The following DNAH11 variants were observed in gnomAD, a reference collection of about 807,000 sequenced individuals.
DNAH11 encodes the protein dynein axonemal heavy chain 11, also known as axonemal beta dynein heavy chain 11.
DNAH11 carries 442 observed loss-of-function variants against 526.0 expected under a neutral mutation model. The ratio of observed to expected loss-of-function variants is 0.84; its 90% CI spans 0.78 to 0.91. The LOEUF (loss-of-function observed/expected upper bound fraction) is 0.91, where lower values mean the gene tolerates loss of function less well. Among genes scored for constraint, DNAH11 ranks in the 40% least tolerant of loss-of-function variants. DNAH11 has a pLI of 0.00. For synonymous variants in DNAH11, 2,461 were observed against 1,935.9 expected (o/e 1.27, Z -7.12); for missense variants, 6,989 against 5,448.7 (o/e 1.28, Z -8.90).
chr7:21,675,136 C>G (rs73061785), intron 30 of DNAH11, among the ~76,000 whole-genome samples: 20,368 of 152,194 alleles, frequency 0.13, 1,609 homozygotes, highest in African/African-American at 0.22. Context: ...AATTTAATAA[C>G]ACAAATCTCA....
intron 61 of DNAH11, among the ~76,000 whole-genome samples, chr7:21,793,458 A>G (rs758148676): frequency 1.1e-4 from 17 of 152,176 alleles, no homozygotes; most frequent in Non-Finnish European, 1.9e-4. Context: ...TGTACTAAAA[A>G]TACAAAAATT....
intron 27 of DNAH11, 77 bp from the exon 28 acceptor site, chr7:21,638,862 G>A (rs1786989771): frequency 2.0e-6 from 3 of 1,509,168 alleles, no homozygotes; most frequent in African/African-American, 2.8e-5. Flanking sequence ...GGACATAGAG[G>A]ACTTGAGTTT....
At chr7:21,821,507 A>G (rs1299121956) in intron 65 of DNAH11, among the ~76,000 whole-genome samples, 2 of 152,066 alleles carry the variant, frequency 1.3e-5, no homozygotes, top group Non-Finnish European at 2.9e-5. Flanking sequence ...CCTCTTGCAT[A>G]CCTTATCGCT....
In DNAH11 at chr7:21,725,878, C is replaced by T. The variant is rs180970138; in HGVS notation, c.7334C>T (p.Ser2445Leu). Residue 2445 changes from serine to leucine, a missense_variant, in exon 45 of 82, where the codon TCG becomes TTG. Ser to Leu is a moderately radical substitution (Grantham distance 145, BLOSUM62 -2). Coordinates refer to ENST00000409508, the MANE Select transcript of DNAH11 (RefSeq NM_001277115.2). The part of the protein sequence containing the change: ...QKEMKAVKFP[S>L]QGTIFDYYVD... ...GAGATGAAAGCAGTGAAATTTCCGT[C>T]GCAGGGAACAATCTTTGATTATTAT... 2.1e-5 allele frequency: 33 copies of T among 1,609,382 alleles called. 1 individual carries two copies. In the Admixed American group the frequency reaches 2.5e-4, roughly 12 times the overall value.
At chr7:21,807,386 C>T (rs1789311048) in intron 62 of DNAH11, among the ~76,000 whole-genome samples, 1 of 152,164 alleles carries the variant, frequency 6.6e-6, no homozygotes, top group African/African-American at 2.4e-5. Context: ...ATAGTCCCAG[C>T]TACTTGAGAG....
At chr7:21,745,099 G>A (rs771164529) in intron 51 of DNAH11, 36 bp downstream of exon 51, 1 of 1,569,714 alleles carries the variant, frequency 6.4e-7, no homozygotes, top group Admixed American at 1.9e-5. Flanking sequence ...TCCACAAAAG[G>A]AAGAATGGCT....
chr7:21,705,384 T>C (rs1784224211), intron 38 of DNAH11, 76 bp from the exon 39 acceptor site: 2 of 1,499,912 alleles, frequency 1.3e-6, no homozygotes, highest in Middle Eastern at 1.7e-4. Flanking sequence ...GAAAGAAGAA[T>C]TGGGCAAAAA....
In DNAH11 at chr7:21,591,515, T is replaced by G; in HGVS notation, c.2605T>G (p.Leu869Val). The G allele has an allele frequency of 6.3e-7, 1 of 1,599,820 alleles. No individual in the cohort carries two copies. The highest frequency in any genetic ancestry group is 8.5e-7 in the Non-Finnish European group (1 of 1,170,190). The change falls in exon 14 of 82, where the codon TTG (leucine) becomes GTG (valine). Residue 869 changes from leucine to valine, a missense_variant. Leu to Val is a conservative substitution (Grantham distance 32, BLOSUM62 1). Coordinates refer to ENST00000409508, the MANE Select transcript of DNAH11 (RefSeq NM_001277115.2). ...AAFTLEDKGD[L>V]FTKKYKLIQG... is the part of the protein sequence containing the mutation. ...CTTCACCTTGGAGGACAAGGGTGAT[T>G]TGTTTACAAAAAAATACAAGTTAAT...
At position 21,606,877 on chromosome 7, in the gene DNAH11, C is replaced by G. The variant is rs969664564; in HGVS notation, c.3852+144C>G. On this transcript the variant is annotated intron_variant, in intron 20 of 81. Transcript: ENST00000409508. Reference sequence around the variant, plus strand: ...TTAAAACCCAGTTATAAGCAATTTCCCCTTAAGTAAATTGTATTGTATTTC... The same window carrying G: ...TTAAAACCCAGTTATAAGCAATTTCGCCTTAAGTAAATTGTATTGTATTTC... 18 of 716,104 alleles carry G rather than the reference C, an allele frequency of 2.5e-5. No individual in the cohort carries two copies. The Admixed American group carries it at 4.1e-4, about 16-fold the overall frequency. The allele number at this position is 716,104 out of a possible 1,614,324, so 44.4% of individuals were successfully genotyped here.
At chr7:21,647,603 T>G (rs1210364105) in intron 28 of DNAH11, among the ~76,000 whole-genome samples, 1 of 151,900 alleles carries the variant, frequency 6.6e-6, no homozygotes, top group Non-Finnish European at 1.5e-5. Flanking sequence ...CTAATTTTTT[T>G]TGTATTTTTA....
chr7:21,638,873 T>A, intron 27 of DNAH11, 66 bp from the exon 28 acceptor site: 1 of 1,540,560 alleles, frequency 6.5e-7, no homozygotes, highest in Non-Finnish European at 8.7e-7. Flanking sequence ...ACTTGAGTTT[T>A]GTTTTGCCGA....
At chr7:21,773,695 A>T in intron 55 of DNAH11, 71 bp from the exon 56 acceptor site, 1 of 988,946 alleles carries the variant, frequency 1.0e-6, no homozygotes. Context: ...ATGATCATTT[A>T]CTTGATTTTT....
intron 14 of DNAH11, among the ~76,000 whole-genome samples, chr7:21,593,988 G>A (rs1304087585): frequency 7.0e-6 from 1 of 143,746 alleles, no homozygotes; most frequent in Non-Finnish European, 1.5e-5. Flanking sequence ...CTCACACACA[G>A]TCTCTTCCTC....
chr7:21,725,685 GT>G (rs1785068992), intron 44 of DNAH11, 125 bp from the exon 45 acceptor site: 2 of 851,464 alleles, frequency 2.3e-6, no homozygotes, highest in Non-Finnish European at 3.6e-6. Flanking sequence ...CACAAAATTT[GT>G]GCTTGATGGG....
chr7:21,666,784 A>G (rs1782436772), intron 30 of DNAH11, among the ~76,000 whole-genome samples: 1 of 151,958 alleles, frequency 6.6e-6, no homozygotes, highest in Non-Finnish European at 1.5e-5. Context: ...TTATATAACA[A>G]TGTGATCTGA....
At chr7:21,672,204 G>T (rs1485974194) in intron 30 of DNAH11, among the ~76,000 whole-genome samples, 1 of 152,156 alleles carries the variant, frequency 6.6e-6, no homozygotes, top group Non-Finnish European at 1.5e-5. Context: ...AGGGATCCAG[G>T]ATCCTGGTAG....
intron 18 of DNAH11, among the ~76,000 whole-genome samples, chr7:21,603,233 T>C (rs180798770): frequency 6.6e-6 from 1 of 152,350 alleles, no homozygotes; most frequent in East Asian, 1.9e-4. Flanking sequence ...CATGTGTTGG[T>C]ACTTCATTTC....
At chr7:21,748,414 G>A (rs1014762877) in intron 51 of DNAH11, among the ~76,000 whole-genome samples, 166 bp from the exon 52 acceptor site, 5 of 152,264 alleles carry the variant, frequency 3.3e-5, no homozygotes, top group Non-Finnish European at 4.4e-5. Flanking sequence ...ATCTGAATCC[G>A]GGAGGCGGAG....
At chr7:21,779,175 T>C (rs1787826060) in intron 57 of DNAH11, 71 bp downstream of exon 57, 1 of 1,516,314 alleles carries the variant, frequency 6.6e-7, no homozygotes, top group East Asian at 2.3e-5. Flanking sequence ...AGGTGAACAA[T>C]TTTGAACAAC....
Sources: allele counts gnomAD v4.1 joint callset (sites outside exome capture counted in the v4.1 genomes callset), GRCh38; gene constraint gnomAD v4.1.1; transcripts MANE v1.5; gene names NCBI Gene and HGNC (gene_info 2026-07-23, HGNC 2026-07-21).